AUTS2: variants seen among roughly 807,000 people sequenced by gnomAD.
AUTS2 encodes activator of transcription and developmental regulator AUTS2, also known as autism susceptibility gene 2 protein.
AUTS2 carries 17 observed loss-of-function variants against 112.4 expected under a neutral mutation model. That is an observed-to-expected ratio of 0.15 (90% CI 0.10 to 0.23). AUTS2 has a LOEUF of 0.23. Ranked by LOEUF, AUTS2 falls within the 10% of genes least tolerant of loss-of-function variation. The probability of loss-of-function intolerance (pLI) is 1.00; values close to 1 mark genes in which losing one functional copy is unlikely to be tolerated. For missense variants in AUTS2, 1,510 were observed against 1,701.6 expected (o/e 0.89, Z 1.98); for synonymous variants, 751 against 702.7 (o/e 1.07, Z -1.09).
At chr7:70,215,332 A>G (rs2129589705) in intron 4 of AUTS2, among the ~76,000 whole-genome samples, 1 of 152,294 alleles carries the variant, frequency 6.6e-6, no homozygotes, top group African/African-American at 2.4e-5. Flanking sequence ...ATAGCTGTTC[A>G]TATCCTTAGA....
At chr7:69,966,711 T>G (rs1331947503) in intron 2 of AUTS2, among the ~76,000 whole-genome samples, 5 of 152,172 alleles carry the variant, frequency 3.3e-5, no homozygotes, top group African/African-American at 4.8e-5. Flanking sequence ...CCTGGGTGTC[T>G]CACATCCATG....
At chr7:70,655,303 C>G (rs1002990382) in intron 5 of AUTS2, among the ~76,000 whole-genome samples, 1 of 152,232 alleles carries the variant, frequency 6.6e-6, no homozygotes, top group Non-Finnish European at 1.5e-5. Flanking sequence ...GTTTTATCAG[C>G]AAGTAACAGA....
At chr7:69,941,617 G>A (rs1420385933) in intron 2 of AUTS2, among the ~76,000 whole-genome samples, 1 of 150,614 alleles carries the variant, frequency 6.6e-6, no homozygotes, top group African/African-American at 2.4e-5. Context: ...AGGTGCCTGT[G>A]GAGTTTATAT....
At chr7:70,537,056 T>C in intron 5 of AUTS2, among the ~76,000 whole-genome samples, 1 of 152,296 alleles carries the variant, frequency 6.6e-6, no homozygotes, top group East Asian at 1.9e-4. Context: ...TTCAAAACTT[T>C]AAGGCCGCTG....
At chr7:69,765,894 G>A (rs1467859230) in intron 1 of AUTS2, among the ~76,000 whole-genome samples, 1 of 152,088 alleles carries the variant, frequency 6.6e-6, no homozygotes, top group East Asian at 1.9e-4. Flanking sequence ...CTGCAGTGAG[G>A]TGAGATCATG....
At chr7:70,066,795 C>T in intron 2 of AUTS2, among the ~76,000 whole-genome samples, 1 of 152,326 alleles carries the variant, frequency 6.6e-6, no homozygotes, top group South Asian at 2.1e-4. Flanking sequence ...CTACCTCAGC[C>T]TCCCAAAGTG....
At chr7:69,717,391 G>C (rs1241113671) in intron 1 of AUTS2, among the ~76,000 whole-genome samples, 4 of 152,218 alleles carry the variant, frequency 2.6e-5, no homozygotes, top group Admixed American at 2.0e-4. Flanking sequence ...GTGGGCATTA[G>C]AGAGTGTGAG....
chr7:70,020,613 A>G (rs1800226608), intron 2 of AUTS2, among the ~76,000 whole-genome samples: 1 of 151,366 alleles, frequency 6.6e-6, no homozygotes, highest in Non-Finnish European at 1.5e-5. Flanking sequence ...TCCTGTACAC[A>G]CTCACCACCC....
chr7:70,389,358 G>A (rs538173769), intron 4 of AUTS2, among the ~76,000 whole-genome samples: 3 of 152,282 alleles, frequency 2.0e-5, no homozygotes, highest in East Asian at 1.9e-4. Flanking sequence ...AAAAAAACAC[G>A]AAGTTTTCAG....
intron 5 of AUTS2, among the ~76,000 whole-genome samples, chr7:70,673,065 C>T (rs181798348): frequency 5.9e-5 from 9 of 152,290 alleles, no homozygotes; most frequent in Admixed American, 2.6e-4. Flanking sequence ...TCAGAGGTGA[C>T]GGCACTAATC....
At chr7:70,224,691 C>T (rs1209895280) in intron 4 of AUTS2, among the ~76,000 whole-genome samples, 3 of 152,206 alleles carry the variant, frequency 2.0e-5, no homozygotes. Context: ...TGCTCACTCA[C>T]TCACTCACCT....
chr7:69,877,555 C>A (rs1239347758), intron 1 of AUTS2, among the ~76,000 whole-genome samples: 1 of 151,986 alleles, frequency 6.6e-6, no homozygotes, highest in African/African-American at 2.4e-5. Flanking sequence ...GTATGAATGA[C>A]CCCGTCACCC....
intron 5 of AUTS2, among the ~76,000 whole-genome samples, chr7:70,580,211 T>G (rs1306788062): frequency 6.6e-6 from 1 of 152,028 alleles, no homozygotes; most frequent in African/African-American, 2.4e-5. Flanking sequence ...CCTGAAACAG[T>G]GGAGTTTCAG....
At chr7:69,867,587 C>T (rs1203650569) in intron 1 of AUTS2, among the ~76,000 whole-genome samples, 1 of 152,126 alleles carries the variant, frequency 6.6e-6, no homozygotes, top group Non-Finnish European at 1.5e-5. Context: ...TCCTTTTTGG[C>T]CTTTTGTCCT....
chr7:69,755,942 T>A (rs1216566349), intron 1 of AUTS2, among the ~76,000 whole-genome samples: 1 of 152,214 alleles, frequency 6.6e-6, no homozygotes, highest in African/African-American at 2.4e-5. Flanking sequence ...TGGTTATCCC[T>A]GGATGCCATG....
chr7:70,208,650 A>G (rs1039410900), intron 4 of AUTS2, among the ~76,000 whole-genome samples: 1 of 152,114 alleles, frequency 6.6e-6, no homozygotes, highest in African/African-American at 2.4e-5. Context: ...CTCATAAAGA[A>G]GGAAATGATT....
At chr7:69,649,629 T>G (rs954620756) in intron 1 of AUTS2, among the ~76,000 whole-genome samples, 3 of 151,996 alleles carry the variant, frequency 2.0e-5, no homozygotes, top group African/African-American at 4.8e-5. Context: ...GAACACTCAC[T>G]AGTTGCTAAC....
chr7:70,497,137 CATCA>C (rs1190742558), intron 5 of AUTS2, among the ~76,000 whole-genome samples: 1 of 146,270 alleles, frequency 6.8e-6, no homozygotes, highest in Non-Finnish European at 1.5e-5. Flanking sequence ...GTCACATCAG[CATCA>C]ATCACACACC....
At chr7:69,851,595 G>C (rs190094828) in intron 1 of AUTS2, among the ~76,000 whole-genome samples, 1 of 152,084 alleles carries the variant, frequency 6.6e-6, no homozygotes, top group East Asian at 1.9e-4. Context: ...TGATATCTTT[G>C]CTATACTGAA....
Sources: allele counts gnomAD v4.1 joint callset (sites outside exome capture counted in the v4.1 genomes callset), GRCh38; gene constraint gnomAD v4.1.1; transcripts MANE v1.5; gene names NCBI Gene and HGNC (gene_info 2026-07-23, HGNC 2026-07-21).